The following TBCE variants were observed in gnomAD, a reference collection of about 807,000 sequenced individuals.
TBCE encodes the protein tubulin-specific chaperone E.
A neutral mutation model predicts 77.0 loss-of-function variants in TBCE; 53 were observed. The observed-to-expected ratio is 0.69, with a 90% CI of 0.55 to 0.87. The LOEUF (loss-of-function observed/expected upper bound fraction) is 0.87, where lower values mean the gene tolerates loss of function less well. TBCE is among the 40% of genes least tolerant of loss of function. The pLI, the probability that TBCE is intolerant of heterozygous loss-of-function variation, is 0.00. For missense variants in TBCE, 624 were observed against 622.4 expected (o/e 1.00, Z -0.03); for synonymous variants, 235 against 241.3 (o/e 0.97, Z 0.24).
chr1:235,423,330 C>T (rs763635609), intron 5 of TBCE, among the ~76,000 whole-genome samples: 11 of 152,078 alleles, frequency 7.2e-5, no homozygotes, highest in Non-Finnish European at 1.6e-4. Context: ...CACATATTGA[C>T]AGCTGTTGTT....
At chr1:235,448,026 T>C (rs545921240) in intron 15 of TBCE, among the ~76,000 whole-genome samples, 22 of 151,984 alleles carry the variant, frequency 1.4e-4, no homozygotes, top group Middle Eastern at 3.2e-3. Context: ...CTGGCCAACA[T>C]GGTGAAACCC....
intron 1 of TBCE, among the ~76,000 whole-genome samples, chr1:235,371,680 CT>C (rs1676965115): frequency 2.0e-5 from 3 of 148,910 alleles, no homozygotes; most frequent in African/African-American, 7.5e-5. Context: ...CCGGCCCCAC[CT>C]TTTTTTCTGA....
At chr1:235,403,575 C>T (rs1051542513) in intron 3 of TBCE, among the ~76,000 whole-genome samples, 1 of 152,114 alleles carries the variant, frequency 6.6e-6, no homozygotes, top group African/African-American at 2.4e-5. Context: ...CCCAAATTGT[C>T]CATACTTTTA....
Position 235,448,329 on chromosome 1 carries a change from C to CTTTTCTTGTCTTTTGATAGG in TBCE, c.1400-19_1400dup, listed in dbSNP as rs1389413714. ...ACTGTCATTTGAGAGAACGAATGGACTTTTCTTGTCTTTTGATAGGCTCCA... is the reference window on the plus strand; with the variant it reads ...ACTGTCATTTGAGAGAACGAATGGACTTTTCTTGTCTTTTGATAGGTTTTCTTGTCTTTTGATAGGCTCCA... On this transcript the variant is annotated intron_variant, in intron 15 of 16. Coordinates refer to ENST00000642610, the MANE Select transcript of TBCE (RefSeq NM_003193.5). The CTTTTCTTGTCTTTTGATAGG allele has an allele frequency of 1.2e-5, 19 of 1,608,966 alleles. No individual in the cohort carries two copies. Among genetic ancestry groups the CTTTTCTTGTCTTTTGATAGG allele is most frequent in the Non-Finnish European group, 1.6e-5 (19 of 1,176,226 alleles).
At chr1:235,399,285 A>G (rs1445227424) in intron 2 of TBCE, among the ~76,000 whole-genome samples, 1 of 152,136 alleles carries the variant, frequency 6.6e-6, no homozygotes, top group Non-Finnish European at 1.5e-5. Context: ...TTTCTTCTCC[A>G]TTAGTTTGGA....
intron 1 of TBCE, among the ~76,000 whole-genome samples, chr1:235,376,770 T>G (rs1465075683): frequency 2.0e-5 from 3 of 152,090 alleles, no homozygotes; most frequent in Non-Finnish European, 4.4e-5. Flanking sequence ...GGTCAGGAGT[T>G]TGAGACCAGC....
At chr1:235,401,177 A>G (rs756344711) in intron 2 of TBCE, among the ~76,000 whole-genome samples, 2 of 152,154 alleles carry the variant, frequency 1.3e-5, no homozygotes, top group Non-Finnish European at 2.9e-5. Flanking sequence ...AGTATCTCAT[A>G]TAAGTGGAAT....
intron 5 of TBCE, among the ~76,000 whole-genome samples, chr1:235,421,846 C>G (rs1680416949): frequency 6.6e-6 from 1 of 152,112 alleles, no homozygotes; most frequent in Admixed American, 6.5e-5. Context: ...CAGTTTTTTT[C>G]TGAGTGAAGA....
chr1:235,379,753 A>T (rs1045787953), intron 1 of TBCE, among the ~76,000 whole-genome samples: 1 of 152,106 alleles, frequency 6.6e-6, no homozygotes. Context: ...GTTGGAGACC[A>T]GCCTGGGCAA....
intron 7 of TBCE, chr1:235,433,354 G>A: frequency 7.3e-6 from 2 of 275,612 alleles, no homozygotes; most frequent in Non-Finnish European, 1.3e-5. Context: ...CCAAGTAGCT[G>A]GGATTACAGA....
chr1:235,390,416 G>A (rs750403010), intron 2 of TBCE, among the ~76,000 whole-genome samples: 2 of 151,920 alleles, frequency 1.3e-5, no homozygotes, highest in Non-Finnish European at 2.9e-5. Context: ...GAGAGTATCC[G>A]GTTTATCCAG....
In TBCE at chr1:235,436,444, G is replaced by C. The variant is rs754063311; in HGVS notation, c.892G>C (p.Gly298Arg). ...TTCTTCTCTACATTTTCCGGATGCT[G>C]GAATTGGTATATAAGATTAGTAAAG... ...GISSLHFPDAGIGCKTSMFPS... is the reference protein window; with the variant it reads ...GISSLHFPDARIGCKTSMFPS... Residue 298 changes from glycine to arginine, a missense_variant, in exon 10 of 17, where the codon GGA becomes CGA. Transcript: ENST00000642610. 2.5e-6 allele frequency: 4 copies of C among 1,613,968 alleles called. No individual in the cohort carries two copies. The highest frequency in any genetic ancestry group is 3.4e-6 in the Non-Finnish European group (4 of 1,179,884).
intron 3 of TBCE, among the ~76,000 whole-genome samples, chr1:235,404,430 A>T (rs948490360): frequency 2.0e-5 from 3 of 152,090 alleles, no homozygotes; most frequent in African/African-American, 7.2e-5. Context: ...ATAAAAAAAA[A>T]AAAGATAGAA....
chr1:235,449,861 A>T lies in TBCE; in HGVS notation c.*1099A>T, dbSNP rs1168599485. ...CTCAGTTACTACTACAGATTTCTGA[A>T]CTAGGCCAAGTTTTAACCAAAAACT... is the stretch of plus-strand genomic sequence containing the variant. On this transcript the variant is annotated 3_prime_UTR_variant, in exon 17 of 17. Coordinates refer to ENST00000642610, the MANE Select transcript of TBCE (RefSeq NM_003193.5). 1.0e-5 allele frequency: 2 copies of T among 197,290 alleles called. No homozygotes were observed. The highest frequency in any genetic ancestry group is 5.3e-5 in the Admixed American group (1 of 18,796). The allele number at this position is 197,290 out of a possible 1,614,324, so 12.2% of individuals were successfully genotyped here.
At chr1:235,441,418 C>A (rs578008844) in intron 13 of TBCE, 4 of 272,798 alleles carry the variant, frequency 1.5e-5, no homozygotes, top group East Asian at 2.0e-4. Context: ...AGAAAGAGAA[C>A]TGTTACCAAA....
intron 2 of TBCE, among the ~76,000 whole-genome samples, chr1:235,385,687 T>C (rs561988210): frequency 6.2e-4 from 95 of 152,260 alleles, no homozygotes; most frequent in African/African-American, 2.0e-3. Flanking sequence ...TTCCTCTATC[T>C]TTTTATTTTG....
In TBCE at chr1:235,414,477, T is replaced by A; in HGVS notation, c.230T>A (p.Phe77Tyr). ...GSFIRPNKVN[F>Y]GTDFLTAIKN... ...TTTATTCGTCCGAACAAGGTAAATT[T>A]TGGAACAGACTTTCTTACTGCAATT... Residue 77 changes from phenylalanine to tyrosine, a missense_variant, in exon 4 of 17, where the codon TTT becomes TAT. Transcript: ENST00000642610. 6.2e-7 allele frequency: 1 copy of A among 1,613,964 alleles called. No individual in the cohort carries two copies. Among genetic ancestry groups the A allele is most frequent in the Non-Finnish European group, 8.5e-7 (1 of 1,180,004 alleles).
At chr1:235,428,747 G>A (rs1680893666) in intron 6 of TBCE, among the ~76,000 whole-genome samples, 1 of 150,998 alleles carries the variant, frequency 6.6e-6, no homozygotes, top group African/African-American at 2.4e-5. Flanking sequence ...GGGTTTGAGC[G>A]ATTCTGCTGC....
chr1:235,413,386 G>T (rs936430013), intron 3 of TBCE, among the ~76,000 whole-genome samples: 23 of 151,694 alleles, frequency 1.5e-4, no homozygotes, highest in African/African-American at 5.3e-4. Flanking sequence ...AAAAAATTAG[G>T]CGTGGTGGCT....
Sources: gnomAD v4.1 joint callset for allele counts (sites outside exome capture counted in the v4.1 genomes callset) on GRCh38, gnomAD v4.1.1 for gene constraint, MANE v1.5 for transcripts, NCBI Gene and HGNC (gene_info 2026-07-23, HGNC 2026-07-21) for gene names.